Variants in ZPBP observed in about 807,000 individuals in gnomAD.
The protein encoded by ZPBP is zona pellucida-binding protein 1.
ZPBP carries 26 observed loss-of-function variants against 44.8 expected under a neutral mutation model. That is an observed-to-expected ratio of 0.58 (90% confidence interval 0.43 to 0.81). The LOEUF is 0.81. Among genes scored for constraint, ZPBP ranks in the 30% least tolerant of loss-of-function variants. The pLI is 0.00. For synonymous variants in ZPBP, 174 were observed against 153.2 expected (o/e 1.14, Z -1.00); for missense variants, 409 against 434.0 (o/e 0.94, Z 0.51).
At chr7:49,886,680 T>G (rs1254531598) in intron 2 of ZPBP, among the ~76,000 whole-genome samples, 1 of 152,182 alleles carries the variant, frequency 6.6e-6, no homozygotes, top group East Asian at 1.9e-4. Flanking sequence ...AGGGGTTTGT[T>G]GTACAGATTA....
chr7:49,880,339 C>T (rs1484949221), intron 2 of ZPBP, among the ~76,000 whole-genome samples: 1 of 151,776 alleles, frequency 6.6e-6, no homozygotes, highest in African/African-American at 2.4e-5. Context: ...TATGTATTTT[C>T]CTTTAAAATT....
At chr7:49,980,259 T>C (rs1325366824) in intron 7 of ZPBP, among the ~76,000 whole-genome samples, 1 of 122,152 alleles carries the variant, frequency 8.2e-6, no homozygotes, top group Non-Finnish European at 1.6e-5. Flanking sequence ...ATATAATACA[T>C]ATAATATAAA....
At chr7:49,972,193 G>T (rs1389356672) in intron 7 of ZPBP, among the ~76,000 whole-genome samples, 2 of 151,404 alleles carry the variant, frequency 1.3e-5, no homozygotes, top group Non-Finnish European at 1.5e-5. Flanking sequence ...CAGGGCAAGG[G>T]TGTCTACTAT....
intron 4 of ZPBP, among the ~76,000 whole-genome samples, chr7:50,055,853 T>C (rs1800914761): frequency 6.6e-6 from 1 of 152,182 alleles, no homozygotes; most frequent in African/African-American, 2.4e-5. Flanking sequence ...TATGTACTTA[T>C]GAGTGATTCT....
chr7:50,059,840 TA>T (rs1193938966), intron 3 of ZPBP, among the ~76,000 whole-genome samples: 1 of 152,018 alleles, frequency 6.6e-6, no homozygotes, highest in East Asian at 1.9e-4. Flanking sequence ...CCTTCTTATT[TA>T]AAAAATGTTT....
chr7:49,870,674 A>G (rs1370009857), intron 2 of ZPBP, among the ~76,000 whole-genome samples: 1 of 152,218 alleles, frequency 6.6e-6, no homozygotes, highest in African/African-American at 2.4e-5. Context: ...TCCCCTTCTG[A>G]AAGAAGAGTT....
chr7:50,084,143 C>T (rs1802508462), intron 2 of ZPBP, among the ~76,000 whole-genome samples: 2 of 151,838 alleles, frequency 1.3e-5, no homozygotes, highest in Admixed American at 1.3e-4. Flanking sequence ...TAATCTTCAG[C>T]TTACCAAAAA....
chr7:50,076,163 ATGTTT>A (rs1802068288), intron 3 of ZPBP, among the ~76,000 whole-genome samples: 1 of 151,776 alleles, frequency 6.6e-6, no homozygotes, highest in Non-Finnish European at 1.5e-5. Flanking sequence ...ATGAACGATC[ATGTTT>A]TGATTAAACT....
intron 6 of ZPBP, among the ~76,000 whole-genome samples, chr7:49,995,184 T>C (rs1017097965): frequency 2.6e-5 from 4 of 152,214 alleles, no homozygotes; most frequent in Non-Finnish European, 4.4e-5. Flanking sequence ...CCACTTAGCA[T>C]AATGTCATCA....
chr7:49,997,634 T>C (rs1162916211), intron 6 of ZPBP, among the ~76,000 whole-genome samples: 10 of 152,108 alleles, frequency 6.6e-5, no homozygotes, highest in Admixed American at 3.9e-4. Flanking sequence ...GGGGAAGCCA[T>C]TACCATGTCC....
At chr7:50,010,908 C>CAAAAAA (rs71554292) in intron 6 of ZPBP, among the ~76,000 whole-genome samples, 605 of 92,238 alleles carry the variant, frequency 6.6e-3, no homozygotes, top group African/African-American at 9.1e-3. Flanking sequence ...CAAGACCAAG[C>CAAAAAA]AAAAAAAAAA....
intron 3 of ZPBP, among the ~76,000 whole-genome samples, chr7:50,066,876 G>A (rs569539026): frequency 3.9e-5 from 6 of 152,042 alleles, no homozygotes; most frequent in South Asian, 4.2e-4. Flanking sequence ...AGGACTATTC[G>A]GGTCGGGCGA....
intron 7 of ZPBP, among the ~76,000 whole-genome samples, chr7:49,964,188 T>G (rs771089971): frequency 1.3e-5 from 2 of 151,914 alleles, no homozygotes; most frequent in African/African-American, 2.4e-5. Context: ...AGCTAACATC[T>G]GCTTCAAGGT....
intron 6 of ZPBP, among the ~76,000 whole-genome samples, chr7:49,993,512 C>T (rs561933279): frequency 6.6e-6 from 1 of 152,176 alleles, no homozygotes; most frequent in African/African-American, 2.4e-5. Flanking sequence ...CAACTATAGT[C>T]TATGAACAAT....
chr7:49,943,258 C>G, intron 7 of ZPBP: 1 of 298,974 alleles, frequency 3.3e-6, no homozygotes, highest in South Asian at 3.3e-5. Flanking sequence ...AGTACAACAT[C>G]AATGCAGTCT....
At chr7:50,007,050 G>A (rs1798343095) in intron 6 of ZPBP, among the ~76,000 whole-genome samples, 1 of 151,806 alleles carries the variant, frequency 6.6e-6, no homozygotes, top group African/African-American at 2.4e-5. Flanking sequence ...GGAGGCTGAA[G>A]GGAGCTGTTG....
In ZPBP at chr7:50,057,841, C is replaced by T. The variant is rs1801041482; in HGVS notation, c.487+148G>A. The stretch of plus-strand genomic sequence containing the variant: ...CTGTGCCCTCACCACTAACCCTTTA[C>T]AAAGTACTTACATAGGGAGGCAGTA... On this transcript the variant is annotated intron_variant, in intron 4 of 7. Coordinates refer to ENST00000046087, the MANE Select transcript of ZPBP (RefSeq NM_007009.3). The T allele has an allele frequency of 3.2e-5, 23 of 717,738 alleles. No homozygotes were observed. The South Asian group carries it at 3.8e-4, about 12-fold the overall frequency. 44.5% of individuals were successfully genotyped at this position (717,738 alleles called of 1,614,324 possible). A position where few individuals can be genotyped will look rare whatever the true frequency, so the allele number is the denominator to read the frequency against.
chr7:49,875,693 G>A (rs1791388793), intron 2 of ZPBP, among the ~76,000 whole-genome samples: 1 of 152,110 alleles, frequency 6.6e-6, no homozygotes, highest in Non-Finnish European at 1.5e-5. Context: ...TGCAATGAGG[G>A]TAATAACAGT....
chr7:50,055,017 A>T (rs1025068765), intron 4 of ZPBP, among the ~76,000 whole-genome samples: 3 of 152,222 alleles, frequency 2.0e-5, no homozygotes, highest in African/African-American at 7.2e-5. Context: ...GTTCTCATCT[A>T]TTATAGCAAG....
Sources: gnomAD v4.1 joint callset for allele counts (sites outside exome capture counted in the v4.1 genomes callset) on GRCh38, gnomAD v4.1.1 for gene constraint, MANE v1.5 for transcripts, NCBI Gene and HGNC (gene_info 2026-07-23, HGNC 2026-07-21) for gene names.